The following IL1RAPL1 variants were observed in gnomAD, a reference collection of about 807,000 sequenced individuals.
The protein encoded by IL1RAPL1 is interleukin 1 receptor accessory protein like 1.
Under a neutral mutation model 48.4 loss-of-function variants are expected in IL1RAPL1, and 3 were observed. That is an observed-to-expected ratio of 0.06 (90% CI 0.03 to 0.16). IL1RAPL1 has a LOEUF of 0.16. IL1RAPL1 is among the 10% of genes least tolerant of loss of function. IL1RAPL1 has a pLI of 1.00. For missense variants in IL1RAPL1, 349 were observed against 530.6 expected (o/e 0.66, Z 3.36); for synonymous variants, 185 against 187.7 (o/e 0.99, Z 0.12).
At chrX:28,614,017 T>A (rs1429398259) in intron 1 of IL1RAPL1, among the ~76,000 whole-genome samples, 1 of 112,045 alleles carries the variant, frequency 8.9e-6, no homozygotes, top group Non-Finnish European at 1.9e-5. Context: ...GTCATTTTTA[T>A]GTTTTTGTCT....
At chrX:28,882,739 A>G (rs1379879766) in intron 2 of IL1RAPL1, among the ~76,000 whole-genome samples, 1 of 112,172 alleles carries the variant, frequency 8.9e-6, no homozygotes, top group Non-Finnish European at 1.9e-5. Flanking sequence ...CCTACATGAA[A>G]TGCTAAAGAG....
chrX:29,358,746 C>T (rs183030554), intron 3 of IL1RAPL1, among the ~76,000 whole-genome samples: 8 of 110,731 alleles, frequency 7.2e-5, no homozygotes, highest in Non-Finnish European at 1.1e-4. Flanking sequence ...AGGCCGGGCA[C>T]GGTGGCTCAC....
chrX:29,635,283 A>G lies in IL1RAPL1; in HGVS notation c.704-33147A>G, dbSNP rs1219412067. On this transcript the variant is annotated intron_variant, in intron 5 of 10. Coordinates refer to ENST00000378993, the MANE Select transcript of IL1RAPL1 (RefSeq NM_014271.4). Reference sequence around the variant, plus strand: ...CTGACATCAAGGCATAGTGGCCAGAAATGTTAGGACACCAAGGGTAAAGAT... The same window carrying G: ...CTGACATCAAGGCATAGTGGCCAGAGATGTTAGGACACCAAGGGTAAAGAT... 2.7e-5 allele frequency among the ~76,000 whole-genome samples: 3 copies of G among 112,006 alleles called. No individual in the cohort carries two copies. In the Admixed American group the frequency reaches 2.8e-4, roughly 11 times the overall value.
At chrX:29,658,163 C>A (rs1386139699) in intron 5 of IL1RAPL1, among the ~76,000 whole-genome samples, 1 of 111,472 alleles carries the variant, frequency 9.0e-6, no homozygotes, top group Non-Finnish European at 1.9e-5. Context: ...GTCGTACTCT[C>A]TTTTGTTTAC....
chrX:29,841,868 A>G (rs1413414768), intron 6 of IL1RAPL1, among the ~76,000 whole-genome samples: 1 of 111,655 alleles, frequency 9.0e-6, no homozygotes, highest in Non-Finnish European at 1.9e-5. Flanking sequence ...ATAGCATACT[A>G]TGGCTATAAT....
At chrX:29,005,111 C>G (rs1925944592) in intron 2 of IL1RAPL1, among the ~76,000 whole-genome samples, 1 of 111,798 alleles carries the variant, frequency 8.9e-6, no homozygotes, top group Non-Finnish European at 1.9e-5. Flanking sequence ...TAGAGAAAAC[C>G]AACTTAAAAA....
intron 2 of IL1RAPL1, among the ~76,000 whole-genome samples, chrX:29,101,660 G>A (rs1431647131): frequency 8.9e-6 from 1 of 112,194 alleles, no homozygotes; most frequent in African/African-American, 3.2e-5. Context: ...CATCAGCTGG[G>A]CGCGGTGGCT....
At chrX:28,985,530 T>C (rs1925443640) in intron 2 of IL1RAPL1, among the ~76,000 whole-genome samples, 2 of 112,580 alleles carry the variant, frequency 1.8e-5, no homozygotes, top group East Asian at 5.6e-4. Flanking sequence ...AAATGGTCTT[T>C]GGTAAACCAC....
intron 3 of IL1RAPL1, among the ~76,000 whole-genome samples, chrX:29,342,900 C>T (rs1310768657): frequency 8.9e-6 from 1 of 111,945 alleles, no homozygotes; most frequent in Non-Finnish European, 1.9e-5. Flanking sequence ...GGGACCATTG[C>T]TAGGTCACAG....
At chrX:29,372,605 G>A (rs1411300000) in intron 3 of IL1RAPL1, among the ~76,000 whole-genome samples, 1 of 110,757 alleles carries the variant, frequency 9.0e-6, no homozygotes, top group Non-Finnish European at 1.9e-5. Flanking sequence ...GTGAAAGGTA[G>A]GGGTCCAGTT....
At chrX:28,761,989 TAGAC>T (rs779530493) in intron 1 of IL1RAPL1, among the ~76,000 whole-genome samples, 22 of 111,594 alleles carry the variant, frequency 2.0e-4, no homozygotes, top group Admixed American at 1.6e-3. Context: ...CACCAACCCT[TAGAC>T]AGGTGTCAGA....
At chrX:29,732,101 T>C (rs1212988356) in intron 6 of IL1RAPL1, among the ~76,000 whole-genome samples, 1 of 111,957 alleles carries the variant, frequency 8.9e-6, no homozygotes, top group Non-Finnish European at 1.9e-5. Context: ...AGATATTTAC[T>C]ATCCTCAAAA....
At chrX:28,759,250 AT>A (rs1476582357) in intron 1 of IL1RAPL1, among the ~76,000 whole-genome samples, 2 of 99,205 alleles carry the variant, frequency 2.0e-5, no homozygotes, top group African/African-American at 3.6e-5. Context: ...AAAAAAAAAA[AT>A]AATAATAATA....
At chrX:29,077,224 A>G (rs1927697459) in intron 2 of IL1RAPL1, among the ~76,000 whole-genome samples, 1 of 112,371 alleles carries the variant, frequency 8.9e-6, no homozygotes, top group African/African-American at 3.2e-5. Context: ...TGGGGAGTAC[A>G]CAGATTTGGC....
intron 3 of IL1RAPL1, among the ~76,000 whole-genome samples, chrX:29,293,894 G>A (rs989868194): frequency 2.7e-5 from 3 of 111,165 alleles, no homozygotes; most frequent in African/African-American, 9.8e-5. Context: ...AAATTGATTA[G>A]GCTTAATAAA....
chrX:28,941,462 TC>T (rs1924161587), intron 2 of IL1RAPL1, among the ~76,000 whole-genome samples: 1 of 111,181 alleles, frequency 9.0e-6, no homozygotes, highest in Non-Finnish European at 1.9e-5. Context: ...TTTCATCTAA[TC>T]TAGCTCCATC....
intron 2 of IL1RAPL1, among the ~76,000 whole-genome samples, chrX:28,880,815 A>G (rs1054637854): frequency 9.0e-6 from 1 of 111,594 alleles, no homozygotes; most frequent in Non-Finnish European, 1.9e-5. Context: ...AAAATTTCCA[A>G]TGACTTCTCT....
chrX:29,282,233 G>A (rs940721978), intron 2 of IL1RAPL1, among the ~76,000 whole-genome samples: 1 of 112,370 alleles, frequency 8.9e-6, no homozygotes, highest in Non-Finnish European at 1.9e-5. Context: ...TTAGCCCTAG[G>A]GCTGAGATAG....
At chrX:28,662,469 T>C (rs1934833637) in intron 1 of IL1RAPL1, among the ~76,000 whole-genome samples, 1 of 111,540 alleles carries the variant, frequency 9.0e-6, no homozygotes, top group Admixed American at 9.6e-5. Flanking sequence ...AGAACTACTT[T>C]GGAGGAATAA....
Sources: gnomAD v4.1 joint callset for allele counts (sites outside exome capture counted in the v4.1 genomes callset) on GRCh38, gnomAD v4.1.1 for gene constraint, MANE v1.5 for transcripts, NCBI Gene and HGNC (gene_info 2026-07-23, HGNC 2026-07-21) for gene names.